Variants in PIEZO2 observed in about 807,000 individuals in gnomAD.
The protein encoded by PIEZO2 is piezo-type mechanosensitive ion channel component 2.
A neutral mutation model predicts 337.3 loss-of-function variants in PIEZO2; 172 were observed. The ratio of observed to expected loss-of-function variants is 0.51; its 90% CI spans 0.45 to 0.58. The LOEUF is 0.58. PIEZO2 is among the 20% of genes least tolerant of loss of function. The probability of loss-of-function intolerance (pLI) is 0.00; values close to 1 mark genes in which losing one functional copy is unlikely to be tolerated. For synonymous variants in PIEZO2, 1,251 were observed against 1,228.5 expected (o/e 1.02, Z -0.38); for missense variants, 3,028 against 3,391.3 (o/e 0.89, Z 2.66).
rs2040859278 is a variant in PIEZO2 at position 11,148,303 on chromosome 18, C to T, written c.64+222G>A. 6.6e-6 allele frequency among the ~76,000 whole-genome samples: 1 copy of T among 152,238 alleles called. No homozygotes were observed. Among genetic ancestry groups the T allele is most frequent in the Non-Finnish European group, 1.5e-5 (1 of 68,048 alleles). On this transcript the variant is annotated intron_variant, in intron 1 of 55. Coordinates refer to ENST00000674853, the MANE Select transcript of PIEZO2 (RefSeq NM_001378183.1). The surrounding 1 kb of genome is among the most constrained non-coding windows in gnomAD (Gnocchi z 5.2). ...AATTCAACATAAACAGTTTCCAGCA[C>T]ATGCCCGTCCCGAGCATCCTGTTAA...
chr18:10,856,475 A>G lies in PIEZO2; in HGVS notation c.703+526T>C, dbSNP rs1001142434. ...GAATGGAAGGAGGGAAAAGATCAAGATAACATTATTATGGAATAAGCGGTC... is the reference window on the plus strand; with the variant it reads ...GAATGGAAGGAGGGAAAAGATCAAGGTAACATTATTATGGAATAAGCGGTC... On this transcript the variant is annotated intron_variant, in intron 6 of 55. Transcript: ENST00000674853. The surrounding 1 kb of genome is among the most constrained non-coding windows in gnomAD (Gnocchi z 4.7). 2.0e-5 allele frequency among the ~76,000 whole-genome samples: 3 copies of G among 152,228 alleles called. No homozygotes were observed. Among genetic ancestry groups the G allele is most frequent in the Admixed American group, 2.0e-4 (3 of 15,284 alleles).
chr18:11,134,233 T>C (rs2040419754), intron 1 of PIEZO2, among the ~76,000 whole-genome samples: 1 of 152,222 alleles, frequency 6.6e-6, no homozygotes, highest in Admixed American at 6.5e-5. Flanking sequence ...TTTAACTCCC[T>C]TGTTGGTTTT....
At chr18:10,731,639 CG>C in intron 35 of PIEZO2, 118 bp from the exon 36 acceptor site, 2 of 528,508 alleles carry the variant, frequency 3.8e-6, no homozygotes, top group Non-Finnish European at 6.0e-6. Flanking sequence ...CTAAACATCC[CG>C]GGCTATTTTT....
At chr18:10,806,891 T>C (rs1568081111) in intron 8 of PIEZO2, among the ~76,000 whole-genome samples, 1 of 152,210 alleles carries the variant, frequency 6.6e-6, no homozygotes, top group Non-Finnish European at 1.5e-5. Context: ...TGCCTGCCAT[T>C]CTTACCAGCA....
At chr18:10,814,679 G>A (rs1279130703) in intron 7 of PIEZO2, among the ~76,000 whole-genome samples, 1 of 152,132 alleles carries the variant, frequency 6.6e-6, no homozygotes, top group African/African-American at 2.4e-5. Context: ...TTCTCATACC[G>A]TTTTCCCTGG....
chr18:10,914,322 T>C (rs1337912209), intron 3 of PIEZO2, among the ~76,000 whole-genome samples: 1 of 151,878 alleles, frequency 6.6e-6, no homozygotes, highest in Non-Finnish European at 1.5e-5. Context: ...AAGGAAAATA[T>C]ATAGCATGGA....
intron 21 of PIEZO2, chr18:10,763,325 G>A (rs1039239455): frequency 1.8e-6 from 1 of 552,918 alleles, no homozygotes; most frequent in East Asian, 3.1e-5. Flanking sequence ...ATCATCAGGT[G>A]ACATCAATAT....
At chr18:10,678,206 C>T (rs758485634) in intron 52 of PIEZO2, among the ~76,000 whole-genome samples, 11 of 152,172 alleles carry the variant, frequency 7.2e-5, no homozygotes, top group East Asian at 5.8e-4. Context: ...TTAGTCTCCA[C>T]GGCAATAAAC....
At chr18:10,989,747 A>T (rs1234073470) in intron 2 of PIEZO2, among the ~76,000 whole-genome samples, 1 of 152,178 alleles carries the variant, frequency 6.6e-6, no homozygotes, top group African/African-American at 2.4e-5. Context: ...CAGGGAAGCT[A>T]AAGCTATTGT....
rs1404571184 is a variant in PIEZO2 at position 10,807,300 on chromosome 18, T to G, written c.918-26A>C. The stretch of plus-strand genomic sequence containing the variant: ...CTGTTAAAAAACAAAGAAAAATGCT[T>G]AAAAGATGCAATAAGCTATATGTCT... On this transcript the variant is annotated intron_variant, in intron 7 of 55. Transcript: ENST00000674853. 19 of 1,526,508 alleles carry G rather than the reference T, an allele frequency of 1.2e-5. No homozygotes were observed. The Admixed American group carries it at 3.8e-4, about 30-fold the overall frequency. The allele number at this position is 1,526,508 out of a possible 1,614,324, so 94.6% of individuals were successfully genotyped here. A position where few individuals can be genotyped will look rare whatever the true frequency, so the allele number is the denominator to read the frequency against.
chr18:11,045,056 G>C (rs1285571329), intron 2 of PIEZO2, among the ~76,000 whole-genome samples: 1 of 151,890 alleles, frequency 6.6e-6, no homozygotes, highest in African/African-American at 2.4e-5. Context: ...AGCACTTTGG[G>C]AGGCCAAAGT....
rs2041643165 is a variant in PIEZO2 at position 10,854,398 on chromosome 18, C to T, written c.917+955G>A. On this transcript the variant is annotated intron_variant, in intron 7 of 55. Coordinates refer to ENST00000674853, the MANE Select transcript of PIEZO2 (RefSeq NM_001378183.1). This position sits in a 1 kb window ranked among gnomAD's most constrained non-coding sequence, Gnocchi z 4.6. The stretch of plus-strand genomic sequence containing the variant: ...GTTCTACTTTGTCATTGTGCAACCA[C>T]CACGACCTTTATAGTAATTATTTCA... Among the ~76,000 whole-genome samples, 1 of 152,170 alleles carries T rather than the reference C, an allele frequency of 6.6e-6. No homozygotes were observed.
chr18:10,942,911 C>T lies in PIEZO2; in HGVS notation c.287-31683G>A, dbSNP rs1250043107. Among the ~76,000 whole-genome samples the T allele has an allele frequency of 1.3e-5, 2 of 152,184 alleles. No individual in the cohort carries two copies. Among genetic ancestry groups the T allele is most frequent in the African/African-American group, 4.8e-5 (2 of 41,454 alleles). On this transcript the variant is annotated intron_variant, in intron 3 of 55. Transcript: ENST00000674853. This position sits in a 1 kb window ranked among gnomAD's most constrained non-coding sequence, Gnocchi z 4.4. ...TGCCCTGCGTCCCAGTCACTCCAGC[C>T]ATGGCTGAAAGGGGCCAACACAGAG...
rs1044854974 is a variant in PIEZO2, at chr18:11,069,189, C to G, written c.65-2967G>C. 1.3e-5 allele frequency among the ~76,000 whole-genome samples: 2 copies of G among 152,186 alleles called. No homozygotes were observed. Among genetic ancestry groups the G allele is most frequent in the Non-Finnish European group, 2.9e-5 (2 of 68,020 alleles). On this transcript the variant is annotated intron_variant, in intron 1 of 55. Coordinates refer to ENST00000674853, the MANE Select transcript of PIEZO2 (RefSeq NM_001378183.1). This position sits in a 1 kb window ranked among gnomAD's most constrained non-coding sequence, Gnocchi z 4.9. ...GCAAAGTCATCCTATGTGGTCATCA[C>G]TACCCTGATACCAAAACCAGACAAG... is the stretch of plus-strand genomic sequence containing the variant.
intron 7 of PIEZO2, among the ~76,000 whole-genome samples, chr18:10,840,107 T>C (rs1194118941): frequency 1.3e-5 from 2 of 152,218 alleles, no homozygotes; most frequent in Non-Finnish European, 2.9e-5. Context: ...AAAAGGATCA[T>C]TCTTGAGAAT....
intron 1 of PIEZO2, among the ~76,000 whole-genome samples, chr18:11,138,476 G>GTAGAGAC (rs2040551302): frequency 1.3e-5 from 2 of 151,946 alleles, no homozygotes; most frequent in Non-Finnish European, 2.9e-5. Context: ...TTGTATTTTA[G>GTAGAGAC]TAGAGACGAG....
At position 10,854,700 on chromosome 18, in the gene PIEZO2, C is replaced by G. The variant is rs2041653099; in HGVS notation, c.917+653G>C. 6.6e-6 allele frequency among the ~76,000 whole-genome samples: 1 copy of G among 152,062 alleles called. No homozygotes were observed. Among genetic ancestry groups the G allele is most frequent in the Non-Finnish European group, 1.5e-5 (1 of 68,008 alleles). ...CTCACACCAGAGACTTATGTATTTTCTTATTTATTTGTTTGTTGGTTTGTT... is the reference window on the plus strand; with the variant it reads ...CTCACACCAGAGACTTATGTATTTTGTTATTTATTTGTTTGTTGGTTTGTT... On this transcript the variant is annotated intron_variant, in intron 7 of 55. Transcript: ENST00000674853. The surrounding 1 kb of genome is among the most constrained non-coding windows in gnomAD (Gnocchi z 4.6).
At chr18:11,057,949 G>T (rs1402448626) in intron 2 of PIEZO2, among the ~76,000 whole-genome samples, 1 of 152,202 alleles carries the variant, frequency 6.6e-6, no homozygotes, top group Non-Finnish European at 1.5e-5. Flanking sequence ...ACATAGGCAT[G>T]GGAAAGCATC....
rs2146149499 is a variant in PIEZO2 at position 11,112,121 on chromosome 18, A to T, written c.64+36404T>A. Among the ~76,000 whole-genome samples, 1 of 152,344 alleles carries T rather than the reference A, an allele frequency of 6.6e-6. No individual in the cohort carries two copies. The highest frequency in any genetic ancestry group is 1.9e-4 in the East Asian group (1 of 5,182). ...AGATGGAGTTTCTAGGTTTCTGATG[A>T]ATTCCTATGAATACAAAATAACCAG... On this transcript the variant is annotated intron_variant, in intron 1 of 55. Coordinates refer to ENST00000674853, the MANE Select transcript of PIEZO2 (RefSeq NM_001378183.1). This position sits in a 1 kb window ranked among gnomAD's most constrained non-coding sequence, Gnocchi z 4.3.
Sources: gnomAD v4.1 joint callset for allele counts (sites outside exome capture counted in the v4.1 genomes callset) on GRCh38, gnomAD v4.1.1 for gene constraint, Gnocchi (gnomAD v3.1) non-coding constraint, MANE v1.5 for transcripts, NCBI Gene and HGNC (gene_info 2026-07-23, HGNC 2026-07-21) for gene names.